Variants in CYP7B1 observed in about 807,000 individuals in gnomAD.
CYP7B1 encodes the protein cytochrome P450 family 7 subfamily B member 1.
A neutral mutation model predicts 42.7 loss-of-function variants in CYP7B1; 29 were observed. That is an observed-to-expected ratio of 0.68 (90% confidence interval 0.51 to 0.93). CYP7B1 has a LOEUF of 0.93. Among genes scored for constraint, CYP7B1 ranks in the 40% least tolerant of loss-of-function variants. CYP7B1 has a pLI of 0.00. For missense variants in CYP7B1, 655 were observed against 600.5 expected, an observed-to-expected ratio of 1.09 and a Z score of -0.95; for synonymous variants, 235 against 218.2, an observed-to-expected ratio of 1.08 and a Z score of -0.68.
chr8:64,624,897 C>T (rs968145383), intron 1 of CYP7B1, among the ~76,000 whole-genome samples: 1 of 149,340 alleles, frequency 6.7e-6, no homozygotes. Context: ...CTCATCCCAT[C>T]CCACCCTTCC....
chr8:64,662,972 A>G lies in CYP7B1; in HGVS notation c.123-38433T>C, dbSNP rs1272274127. Among the ~76,000 whole-genome samples the G allele has an allele frequency of 4.0e-5, 6 of 151,652 alleles. No homozygotes were observed. The East Asian group carries it at 1.2e-3, about 29-fold the overall frequency. On this transcript the variant is annotated intron_variant, in intron 1 of 5. Coordinates refer to ENST00000310193, the MANE Select transcript of CYP7B1 (RefSeq NM_004820.5). ...TCATTCCTTTTTCTCCCTTTGTTCT[A>G]CTCCTATACTCAAGTAATTCTGGAA...
chr8:64,686,631 C>T (rs1806654112), intron 1 of CYP7B1, among the ~76,000 whole-genome samples: 1 of 56,370 alleles, frequency 1.8e-5, no homozygotes, highest in East Asian at 3.3e-4. Flanking sequence ...GGAGGTGTGC[C>T]CAACAGCTCA....
At chr8:64,637,732 T>C (rs1232943608) in intron 1 of CYP7B1, among the ~76,000 whole-genome samples, 1 of 152,222 alleles carries the variant, frequency 6.6e-6, no homozygotes, top group African/African-American at 2.4e-5. Context: ...ACATGTTTTG[T>C]GAAATAAACT....
chr8:64,653,871 T>C (rs1806078809), intron 1 of CYP7B1, among the ~76,000 whole-genome samples: 2 of 152,198 alleles, frequency 1.3e-5, no homozygotes, highest in South Asian at 4.1e-4. Flanking sequence ...ATGTGATTTA[T>C]CACATAAACA....
intron 1 of CYP7B1, among the ~76,000 whole-genome samples, chr8:64,783,784 C>G (rs1563427072): frequency 6.6e-6 from 1 of 152,100 alleles, no homozygotes; most frequent in Admixed American, 6.6e-5. Flanking sequence ...CAGTGTTACT[C>G]AAAGTGCAGG....
intron 1 of CYP7B1, among the ~76,000 whole-genome samples, chr8:64,749,346 G>T (rs1807694647): frequency 2.0e-5 from 3 of 152,138 alleles, no homozygotes; most frequent in African/African-American, 7.2e-5. Context: ...TTTCCAAAGT[G>T]CTGGGATTAC....
chr8:64,674,619 A>C (rs1806416110), intron 1 of CYP7B1, among the ~76,000 whole-genome samples: 1 of 152,172 alleles, frequency 6.6e-6, no homozygotes, highest in South Asian at 2.1e-4. Flanking sequence ...AGACAAAAAG[A>C]ATGGGATATT....
At chr8:64,713,642 G>T (rs1807113113) in intron 1 of CYP7B1, among the ~76,000 whole-genome samples, 1 of 151,934 alleles carries the variant, frequency 6.6e-6, no homozygotes, top group African/African-American at 2.4e-5. Flanking sequence ...TCAACTTGAA[G>T]AAATAGCAAC....
intron 1 of CYP7B1, among the ~76,000 whole-genome samples, chr8:64,718,290 T>C (rs1807187936): frequency 6.6e-6 from 1 of 152,038 alleles, no homozygotes; most frequent in Non-Finnish European, 1.5e-5. Flanking sequence ...TAAAATAACA[T>C]ATTTGGAGCC....
intron 1 of CYP7B1, among the ~76,000 whole-genome samples, chr8:64,721,320 T>C (rs565256708): frequency 6.6e-6 from 1 of 152,302 alleles, no homozygotes; most frequent in South Asian, 2.1e-4. Context: ...AGTGAATTCC[T>C]GGCTTTGCTC....
chr8:64,701,356 C>T (rs72656469), intron 1 of CYP7B1, among the ~76,000 whole-genome samples: 2,853 of 152,074 alleles, frequency 0.019, 45 homozygotes, highest in Middle Eastern at 0.034. Flanking sequence ...AGGTATAAGA[C>T]CCACTGGCTG....
At chr8:64,750,868 G>A (rs990368026) in intron 1 of CYP7B1, among the ~76,000 whole-genome samples, 1 of 152,104 alleles carries the variant, frequency 6.6e-6, no homozygotes, top group South Asian at 2.1e-4. Flanking sequence ...CAGGCACCAC[G>A]GCTTGGTACC....
At chr8:64,715,482 C>T (rs1031242116) in intron 1 of CYP7B1, among the ~76,000 whole-genome samples, 2 of 152,166 alleles carry the variant, frequency 1.3e-5, no homozygotes, top group Non-Finnish European at 2.9e-5. Flanking sequence ...TCATTGTTAT[C>T]CTTGCTAGTC....
intron 1 of CYP7B1, among the ~76,000 whole-genome samples, chr8:64,643,162 C>CATATAT (rs781343197): frequency 0.034 from 953 of 28,278 alleles, 7 homozygotes; most frequent in African/African-American, 0.082. Flanking sequence ...TACATATATA[C>CATATAT]ACATATATAC....
chr8:64,596,736 T>G lies in CYP7B1; in HGVS notation c.1427A>C (p.Asp476Ala), dbSNP rs1163708622. 1 of 1,613,882 alleles carries G rather than the reference T, an allele frequency of 6.2e-7. No individual in the cohort carries two copies. The highest frequency in any genetic ancestry group is 1.7e-5 in the Admixed American group (1 of 60,012). Residue 476 changes from aspartate to alanine, a missense_variant, in exon 6 of 6, where the codon GAT becomes GCT. Asp to Ala is a moderately radical substitution (Grantham distance 126). Transcript: ENST00000310193. ...GTAGTTTAGTCCTATGGGCTTATCA[T>G]CAATTATTTCTAAATCAAAATAAGT... ...LLTYFDLEIIDDKPIGLNYSR... is the reference protein window; with the variant it reads ...LLTYFDLEIIADKPIGLNYSR...
intron 1 of CYP7B1, among the ~76,000 whole-genome samples, chr8:64,691,584 G>A (rs1358402183): frequency 6.6e-6 from 1 of 151,080 alleles, no homozygotes; most frequent in Non-Finnish European, 1.5e-5. Context: ...TTGCATCCAA[G>A]TGCCTGAGAC....
chr8:64,720,047 C>T (rs1487191272), intron 1 of CYP7B1, among the ~76,000 whole-genome samples: 2 of 152,124 alleles, frequency 1.3e-5, no homozygotes, highest in African/African-American at 2.4e-5. Context: ...TGGTTTAATT[C>T]GCAATGGTGT....
In CYP7B1 at chr8:64,798,692, C is replaced by T; in HGVS notation, c.-105G>A. The stretch of plus-strand genomic sequence containing the variant: ...GCTTCTCTCGGCGGCGCCCCCTAGT[C>T]CAGGGCCGGAGAGGCTGGCCTGCCC... On this transcript the variant is annotated 5_prime_UTR_variant, in exon 1 of 6. Transcript: ENST00000310193. The T allele has an allele frequency of 7.8e-7, 1 of 1,289,352 alleles. No individual in the cohort carries two copies. 79.9% of individuals were successfully genotyped at this position (1,289,352 alleles called of 1,614,324 possible).
intron 1 of CYP7B1, among the ~76,000 whole-genome samples, chr8:64,639,820 A>G (rs562623846): frequency 1.3e-5 from 2 of 152,306 alleles, no homozygotes; most frequent in South Asian, 2.1e-4. Context: ...GAATGTTCAT[A>G]GGAGTATTAA....
Sources: gnomAD v4.1 joint callset for allele counts (sites outside exome capture counted in the v4.1 genomes callset) on GRCh38, gnomAD v4.1.1 for gene constraint, MANE v1.5 for transcripts, NCBI Gene and HGNC (gene_info 2026-07-23, HGNC 2026-07-21) for gene names.